Variants in SCAPER observed in about 807,000 individuals in gnomAD.
SCAPER encodes S-phase cyclin A associated protein in the ER.
Under a neutral mutation model 182.2 loss-of-function variants are expected in SCAPER, and 98 were observed. That is an observed-to-expected ratio of 0.54 (90% CI 0.46 to 0.64). The LOEUF is 0.64. Among genes scored for constraint, SCAPER ranks in the 30% least tolerant of loss-of-function variants. The probability of loss-of-function intolerance (pLI) is 0.00; values close to 1 mark genes in which losing one functional copy is unlikely to be tolerated. For missense variants in SCAPER, 1,432 were observed against 1,690.0 expected (o/e 0.85, Z 2.68); for synonymous variants, 605 against 564.6 (o/e 1.07, Z -1.01).
intron 8 of SCAPER, among the ~76,000 whole-genome samples, chr15:76,790,532 T>C (rs555157627): frequency 2.0e-5 from 3 of 152,312 alleles, no homozygotes; most frequent in East Asian, 1.9e-4. Context: ...TTTTAACTTG[T>C]GTTTTTCAAG....
intron 8 of SCAPER, among the ~76,000 whole-genome samples, chr15:76,784,116 G>T (rs1281358116): frequency 2.0e-5 from 3 of 152,190 alleles, no homozygotes; most frequent in East Asian, 3.9e-4. Context: ...CAGATGACAT[G>T]ATTGTATATT....
intron 8 of SCAPER, among the ~76,000 whole-genome samples, chr15:76,777,577 C>T (rs1032519517): frequency 2.6e-5 from 4 of 152,102 alleles, no homozygotes; most frequent in African/African-American, 9.7e-5. Flanking sequence ...GCCTGTAATC[C>T]GAGCTACTTG....
intron 22 of SCAPER, among the ~76,000 whole-genome samples, chr15:76,585,290 T>C (rs1295023002): frequency 1.3e-5 from 2 of 152,118 alleles, no homozygotes; most frequent in Non-Finnish European, 2.9e-5. Flanking sequence ...TCACTGATAG[T>C]ATGTCTCAAT....
At chr15:76,740,845 A>G (rs1233727748) in intron 15 of SCAPER, among the ~76,000 whole-genome samples, 2 of 152,178 alleles carry the variant, frequency 1.3e-5, no homozygotes, top group African/African-American at 4.8e-5. Context: ...CATAAATTTG[A>G]TCAACTTTAA....
rs538464120 is a variant in SCAPER, at chr15:76,613,533, T to C, written c.2711+8231A>G. 5.3e-5 allele frequency among the ~76,000 whole-genome samples: 8 copies of C among 151,350 alleles called. No homozygotes were observed. The South Asian group carries it at 1.5e-3, about 28-fold the overall frequency. ...CTTGAAAACTATGCATCTAACAAAA[T>C]ACCTGGCATCTATAGGGAACTTAAA... is the stretch of plus-strand genomic sequence containing the variant. On this transcript the variant is annotated intron_variant, in intron 22 of 31. Coordinates refer to ENST00000563290, the MANE Select transcript of SCAPER (RefSeq NM_020843.4).
chr15:76,685,789 A>C (rs1353522756), intron 20 of SCAPER, among the ~76,000 whole-genome samples: 4 of 152,060 alleles, frequency 2.6e-5, no homozygotes, highest in Non-Finnish European at 5.9e-5. Flanking sequence ...CTTAAGTAAG[A>C]TAACATGATA....
intron 20 of SCAPER, among the ~76,000 whole-genome samples, chr15:76,694,023 T>C (rs1159600267): frequency 6.6e-6 from 1 of 152,106 alleles, no homozygotes; most frequent in Non-Finnish European, 1.5e-5. Flanking sequence ...AATCAGGAAG[T>C]GTAATGCCTC....
At chr15:76,356,113 T>A (rs997708618) in intron 29 of SCAPER, among the ~76,000 whole-genome samples, 1 of 152,172 alleles carries the variant, frequency 6.6e-6, no homozygotes, top group Non-Finnish European at 1.5e-5. Flanking sequence ...CTATGCTGTC[T>A]TTCCAACCAC....
intron 15 of SCAPER, among the ~76,000 whole-genome samples, chr15:76,743,370 T>G (rs2061643783): frequency 6.6e-6 from 1 of 152,164 alleles, no homozygotes; most frequent in Admixed American, 6.5e-5. Context: ...TTAGCAAGAA[T>G]TTTAGTACAG....
At chr15:76,469,263 T>G (rs1287551700) in intron 25 of SCAPER, among the ~76,000 whole-genome samples, 1 of 152,148 alleles carries the variant, frequency 6.6e-6, no homozygotes, top group Non-Finnish European at 1.5e-5. Flanking sequence ...TTCTTCCAGA[T>G]GATGCAGTAT....
chr15:76,661,828 T>G (rs2056199992), intron 21 of SCAPER, among the ~76,000 whole-genome samples: 1 of 152,226 alleles, frequency 6.6e-6, no homozygotes, highest in Non-Finnish European at 1.5e-5. Context: ...ATCCCATTAC[T>G]GGGTATATAC....
At chr15:76,687,979 T>C (rs927735434) in intron 20 of SCAPER, among the ~76,000 whole-genome samples, 6 of 152,338 alleles carry the variant, frequency 3.9e-5, no homozygotes, top group Non-Finnish European at 8.8e-5. Context: ...TTGGGTCAAA[T>C]AGTATTCCTA....
chr15:76,684,602 C>A (rs2057920738), intron 20 of SCAPER, among the ~76,000 whole-genome samples: 1 of 151,682 alleles, frequency 6.6e-6, no homozygotes, highest in South Asian at 2.1e-4. Context: ...AGGGCTATAA[C>A]TACAAATGAG....
rs555046430 is a variant in SCAPER, at chr15:76,522,567, T to G, written c.2839-17593A>C. Among the ~76,000 whole-genome samples, 12 of 152,290 alleles carry G rather than the reference T, an allele frequency of 7.9e-5. No individual in the cohort carries two copies. The South Asian group carries it at 8.3e-4, about 11-fold the overall frequency. ...GAGATTGTTGAAATACATACAAGCA[T>G]GTGCAAAATGCAAACTTCAGATTTT... On this transcript the variant is annotated intron_variant, in intron 23 of 31. Coordinates refer to ENST00000563290, the MANE Select transcript of SCAPER (RefSeq NM_020843.4).
intron 20 of SCAPER, among the ~76,000 whole-genome samples, chr15:76,682,272 C>T: frequency 7.0e-6 from 1 of 143,140 alleles, no homozygotes; most frequent in East Asian, 2.5e-4. Flanking sequence ...CTTCCCCCCC[C>T]CACCCCACAG....
intron 28 of SCAPER, among the ~76,000 whole-genome samples, chr15:76,377,865 A>G (rs2042674680): frequency 6.6e-6 from 1 of 152,214 alleles, no homozygotes; most frequent in African/African-American, 2.4e-5. Flanking sequence ...TCAGTTTCCA[A>G]CCTTCTGACT....
intron 29 of SCAPER, 67 bp downstream of exon 29, chr15:76,376,095 C>G: frequency 6.3e-7 from 1 of 1,578,012 alleles, no homozygotes. Context: ...CCTGCCTTTT[C>G]TCATTCCAAT....
chr15:76,480,773 C>T (rs1271310128), intron 24 of SCAPER, among the ~76,000 whole-genome samples: 1 of 152,176 alleles, frequency 6.6e-6, no homozygotes, highest in Non-Finnish European at 1.5e-5. Flanking sequence ...CTCTGTCACC[C>T]AGGCTGGAGT....
intron 29 of SCAPER, among the ~76,000 whole-genome samples, chr15:76,375,216 A>C (rs1218525307): frequency 1.8e-5 from 1 of 55,914 alleles, no homozygotes; most frequent in African/African-American, 4.6e-5. Context: ...AGAACTTGTC[A>C]AAAAAAAAAA....
Sources: gnomAD v4.1 joint callset for allele counts (sites outside exome capture counted in the v4.1 genomes callset) on GRCh38, gnomAD v4.1.1 for gene constraint, MANE v1.5 for transcripts, NCBI Gene and HGNC (gene_info 2026-07-23, HGNC 2026-07-21) for gene names.